PARD3B: variants seen among roughly 807,000 people sequenced by gnomAD.
The protein encoded by PARD3B is partitioning defective 3 homolog B.
Under a neutral mutation model 130.2 loss-of-function variants are expected in PARD3B, and 103 were observed. That is an observed-to-expected ratio of 0.79 (90% CI 0.67 to 0.93). The LOEUF is 0.93. Ranked by LOEUF, PARD3B falls within the 40% of genes least tolerant of loss-of-function variation. The pLI is 0.00. For synonymous variants in PARD3B, 583 were observed against 553.2 expected, an observed-to-expected ratio of 1.05 and a Z score of -0.76; for missense variants, 1,609 against 1,499.2, an observed-to-expected ratio of 1.07 and a Z score of -1.21.
intron 15 of PARD3B, among the ~76,000 whole-genome samples, chr2:205,227,318 TCTTTAG>T (rs934421134): frequency 2.0e-5 from 3 of 152,208 alleles, no homozygotes; most frequent in African/African-American, 7.2e-5. Context: ...TCTCTCTGCC[TCTTTAG>T]CTTTAGTAAT....
chr2:205,526,348 C>T (rs952329222), intron 21 of PARD3B, among the ~76,000 whole-genome samples: 13 of 152,184 alleles, frequency 8.5e-5, no homozygotes, highest in African/African-American at 2.9e-4. Flanking sequence ...ACCTTGCCTT[C>T]AAAATCAAAA....
intron 21 of PARD3B, among the ~76,000 whole-genome samples, chr2:205,546,627 A>G (rs1308590807): frequency 6.6e-6 from 1 of 152,154 alleles, no homozygotes; most frequent in Non-Finnish European, 1.5e-5. Context: ...TCCCTCTTCA[A>G]GTCATCTTAC....
intron 2 of PARD3B, among the ~76,000 whole-genome samples, chr2:204,879,334 CTCAAGGCTA>C (rs1317680285): frequency 6.6e-6 from 1 of 152,136 alleles, no homozygotes; most frequent in East Asian, 1.9e-4. Flanking sequence ...TCAGGACATG[CTCAAGGCTA>C]TTTGGATTTA....
rs560881413 is a variant in PARD3B, at chr2:205,227,261, A to G, written c.2141-18517A>G. On this transcript the variant is annotated intron_variant, in intron 15 of 22. Transcript: ENST00000406610. ...TTTTTCTGTCTCGATGATCTGTCCA[A>G]TGCTGAAAGTGAAGTGTTGAAGTCT... 1.4e-3 allele frequency among the ~76,000 whole-genome samples: 208 copies of G among 152,286 alleles called. 2 individuals carry two copies. Among genetic ancestry groups the G allele is most frequent in the African/African-American group, 4.9e-3 (204 of 41,582 alleles).
At chr2:205,353,342 C>T (rs2044062447) in intron 18 of PARD3B, among the ~76,000 whole-genome samples, 1 of 152,178 alleles carries the variant, frequency 6.6e-6, no homozygotes, top group African/African-American at 2.4e-5. Flanking sequence ...AGTACCGCTC[C>T]ATGGAACAAA....
At chr2:205,517,207 G>A (rs2050828620) in intron 21 of PARD3B, among the ~76,000 whole-genome samples, 1 of 152,140 alleles carries the variant, frequency 6.6e-6, no homozygotes, top group Non-Finnish European at 1.5e-5. Context: ...GTTCATCAAG[G>A]ATATTGGCTT....
rs1337356688 is a variant in PARD3B at position 205,091,586 on chromosome 2, C to G, written c.505-12840C>G. 6.6e-6 allele frequency among the ~76,000 whole-genome samples: 1 copy of G among 152,164 alleles called. No individual in the cohort carries two copies. The highest frequency in any genetic ancestry group is 1.5e-5 in the Non-Finnish European group (1 of 68,030). On this transcript the variant is annotated intron_variant, in intron 4 of 22. Coordinates refer to ENST00000406610, the MANE Select transcript of PARD3B (RefSeq NM_001302769.2). The surrounding 1 kb of genome is among the most constrained non-coding windows in gnomAD (Gnocchi z 4.2). Reference sequence around the variant, plus strand: ...TGTCTGCGAAAACATTTATCATCATCTCAGTGCTACAAGTCTCTTACAATT... The same window carrying G: ...TGTCTGCGAAAACATTTATCATCATGTCAGTGCTACAAGTCTCTTACAATT...
Position 205,470,875 on chromosome 2 carries a change from A to G in PARD3B, c.3045-29021A>G, listed in dbSNP as rs1205762058. Reference sequence around the variant, plus strand: ...CCTGGCCCATTACAGACAAGTAGACATGGAAGGATACTTTAAAACAAAGTG... The same window carrying G: ...CCTGGCCCATTACAGACAAGTAGACGTGGAAGGATACTTTAAAACAAAGTG... On this transcript the variant is annotated intron_variant, in intron 20 of 22. Coordinates refer to ENST00000406610, the MANE Select transcript of PARD3B (RefSeq NM_001302769.2). This position sits in a 1 kb window ranked among gnomAD's most constrained non-coding sequence, Gnocchi z 4.8. Among the ~76,000 whole-genome samples the G allele has an allele frequency of 2.0e-5, 3 of 152,318 alleles. No individual in the cohort carries two copies. Among genetic ancestry groups the G allele is most frequent in the Middle Eastern group, 3.4e-3 (1 of 294 alleles).
intron 20 of PARD3B, among the ~76,000 whole-genome samples, chr2:205,472,311 T>A (rs2048863553): frequency 6.6e-6 from 1 of 152,120 alleles, no homozygotes; most frequent in Non-Finnish European, 1.5e-5. Context: ...ACACACTTTC[T>A]CTTTAGTGCC....
At chr2:205,239,735 C>A (rs2039266535) in intron 15 of PARD3B, among the ~76,000 whole-genome samples, 1 of 152,114 alleles carries the variant, frequency 6.6e-6, no homozygotes, top group Admixed American at 6.6e-5. Flanking sequence ...CTTTTTTACC[C>A]TATGTCACCA....
intron 2 of PARD3B, among the ~76,000 whole-genome samples, chr2:204,775,988 C>T (rs2041601004): frequency 6.6e-6 from 1 of 152,182 alleles, no homozygotes; most frequent in African/African-American, 2.4e-5. Context: ...TTTAACTCTT[C>T]TAAGAGAAAT....
Position 205,530,133 on chromosome 2 carries a change from G to A in PARD3B, c.3181-23191G>A, listed in dbSNP as rs183347867. ...AAAGAGTGGCACACAGGAGCATGTG[G>A]AAAGGAAATAATATGCACATCTAAC... On this transcript the variant is annotated intron_variant, in intron 21 of 22. Coordinates refer to ENST00000406610, the MANE Select transcript of PARD3B (RefSeq NM_001302769.2). This position sits in a 1 kb window ranked among gnomAD's most constrained non-coding sequence, Gnocchi z 4.7. 4.6e-5 allele frequency among the ~76,000 whole-genome samples: 7 copies of A among 152,302 alleles called. No homozygotes were observed. In the East Asian group the frequency reaches 1.4e-3, roughly 29 times the overall value.
In PARD3B at chr2:205,590,091, A is replaced by G. The variant is rs2054330717; in HGVS notation, c.3261-25365A>G. Among the ~76,000 whole-genome samples the G allele has an allele frequency of 3.3e-5, 5 of 152,162 alleles. No individual in the cohort carries two copies. In the South Asian group the frequency reaches 1.0e-3, roughly 32 times the overall value. ...CCTATTGGTATGAATATACCAACAC[A>G]TGAATGTACACATGGACAATAGGTA... On this transcript the variant is annotated intron_variant, in intron 22 of 22. Transcript: ENST00000406610. This position sits in a 1 kb window ranked among gnomAD's most constrained non-coding sequence, Gnocchi z 4.1.
rs1214896207 is a variant in PARD3B, at chr2:205,014,433, G to GC, written c.395-33146dup. ...TACAGAGCAGGAAAGGAGAACTGCAGCCAAGGGGTGATATCTAATTCACAA... is the reference window on the plus strand; with the variant it reads ...TACAGAGCAGGAAAGGAGAACTGCAGCCCAAGGGGTGATATCTAATTCACAA... On this transcript the variant is annotated intron_variant, in intron 3 of 22. Coordinates refer to ENST00000406610, the MANE Select transcript of PARD3B (RefSeq NM_001302769.2). 5.9e-5 allele frequency among the ~76,000 whole-genome samples: 9 copies of GC among 152,302 alleles called. 1 individual carries two copies. The South Asian group carries it at 1.0e-3, about 18-fold the overall frequency.
At chr2:204,959,691 A>G (rs1690577020) in intron 2 of PARD3B, among the ~76,000 whole-genome samples, 3 of 152,218 alleles carry the variant, frequency 2.0e-5, no homozygotes, top group South Asian at 4.1e-4. Flanking sequence ...ATGAGTTTCT[A>G]AAATAAGGTT....
chr2:205,311,369 G>T (rs562006969), intron 18 of PARD3B, among the ~76,000 whole-genome samples: 6 of 152,212 alleles, frequency 3.9e-5, no homozygotes, highest in Admixed American at 2.6e-4. Context: ...TAACAAGTTT[G>T]CAGTGATGTC....
At chr2:205,498,154 C>T (rs1034240967) in intron 20 of PARD3B, among the ~76,000 whole-genome samples, 11 of 137,754 alleles carry the variant, frequency 8.0e-5, no homozygotes, top group African/African-American at 3.0e-4. Context: ...GAGCCAAGAT[C>T]GCACCACTGC....
Position 205,183,773 on chromosome 2 carries a change from T to TGTGTGTGA in PARD3B, c.1925-1990_1925-1989insTGTGTGAG, listed in dbSNP as rs1553634034. ...GTGTGTGTGTGTGTGTGTGTGTGTG[T>TGTGTGTGA]GAACAGATTTATGATAAGGAATTGG... On this transcript the variant is annotated intron_variant, in intron 13 of 22. Transcript: ENST00000406610. This position sits in a 1 kb window ranked among gnomAD's most constrained non-coding sequence, Gnocchi z 5.2. Among the ~76,000 whole-genome samples the TGTGTGTGA allele has an allele frequency of 1.4e-5, 2 of 147,126 alleles. No individual in the cohort carries two copies. The highest frequency in any genetic ancestry group is 3.0e-5 in the Non-Finnish European group (2 of 66,686).
intron 1 of PARD3B, among the ~76,000 whole-genome samples, chr2:204,563,342 T>A (rs2031468836): frequency 6.6e-6 from 1 of 150,756 alleles, no homozygotes; most frequent in Non-Finnish European, 1.5e-5. Context: ...CTTAATTTGA[T>A]TCCATCTGTA....
Sources: allele counts gnomAD v4.1 joint callset (sites outside exome capture counted in the v4.1 genomes callset), GRCh38; gene constraint gnomAD v4.1.1; non-coding constraint Gnocchi (gnomAD v3.1); transcripts MANE v1.5; gene names NCBI Gene and HGNC (gene_info 2026-07-23, HGNC 2026-07-21).